FHOD3: variants seen among roughly 807,000 people sequenced by gnomAD.
FHOD3 encodes FH1/FH2 domain-containing protein 3.
A neutral mutation model predicts 173.0 loss-of-function variants in FHOD3; 90 were observed. That is an observed-to-expected ratio of 0.52 (90% CI 0.44 to 0.62). The LOEUF (loss-of-function observed/expected upper bound fraction) is 0.62. Ranked by LOEUF, FHOD3 falls within the 20% of genes least tolerant of loss-of-function variation. FHOD3 has a pLI of 0.00. For missense variants in FHOD3, 1,945 were observed against 2,034.7 expected (o/e 0.96, Z 0.85); for synonymous variants, 828 against 823.0 (o/e 1.01, Z -0.10).
At chr18:36,385,492 G>A (rs1366569160) in intron 3 of FHOD3, among the ~76,000 whole-genome samples, 3 of 152,176 alleles carry the variant, frequency 2.0e-5, no homozygotes, top group African/African-American at 4.8e-5. Flanking sequence ...CACCTCCCAG[G>A]TTCAAGTGAT....
intron 5 of FHOD3, among the ~76,000 whole-genome samples, chr18:36,546,607 G>A (rs1599598325): frequency 6.6e-6 from 1 of 152,148 alleles, no homozygotes; most frequent in East Asian, 1.9e-4. Context: ...GTGTCAGGCT[G>A]GAATGGTAAT....
chr18:36,660,309 C>A (rs185160729), intron 14 of FHOD3, among the ~76,000 whole-genome samples: 3 of 152,144 alleles, frequency 2.0e-5, no homozygotes, highest in Non-Finnish European at 2.9e-5. Context: ...CCCAGAGTGC[C>A]TTGAACATCC....
intron 24 of FHOD3, among the ~76,000 whole-genome samples, chr18:36,753,502 T>C (rs945833329): frequency 7.2e-5 from 11 of 152,278 alleles, no homozygotes; most frequent in African/African-American, 2.7e-4. Context: ...TCAGCTATTG[T>C]GAATAATGCT....
intron 3 of FHOD3, among the ~76,000 whole-genome samples, chr18:36,491,965 C>G (rs2054496371): frequency 6.6e-6 from 1 of 151,988 alleles, no homozygotes; most frequent in African/African-American, 2.4e-5. Flanking sequence ...GAAAGTATGG[C>G]CAAATAAACA....
chr18:36,321,571 T>A (rs1376954763), intron 1 of FHOD3, among the ~76,000 whole-genome samples: 1 of 152,166 alleles, frequency 6.6e-6, no homozygotes, highest in African/African-American at 2.4e-5. Context: ...AGAGTGTTGC[T>A]TTCTCCTGGG....
intron 16 of FHOD3, among the ~76,000 whole-genome samples, chr18:36,691,946 C>T (rs188820351): frequency 2.6e-5 from 4 of 152,294 alleles, no homozygotes; most frequent in Admixed American, 2.6e-4. Context: ...CTAAATATGC[C>T]AGGCAGTAAA....
intron 27 of FHOD3, among the ~76,000 whole-genome samples, chr18:36,763,181 CTA>C (rs975317666): frequency 7.1e-6 from 1 of 140,672 alleles, no homozygotes; most frequent in South Asian, 2.2e-4. Flanking sequence ...ATTATATACG[CTA>C]TATATGTGTA....
chr18:36,635,616 TGACAAA>T (rs2034827103), intron 10 of FHOD3, among the ~76,000 whole-genome samples: 1 of 152,098 alleles, frequency 6.6e-6, no homozygotes, highest in Non-Finnish European at 1.5e-5. Flanking sequence ...GATTGCATGG[TGACAAA>T]GACAAAGGGG....
intron 20 of FHOD3, among the ~76,000 whole-genome samples, chr18:36,737,279 T>C (rs958071488): frequency 6.6e-6 from 1 of 152,240 alleles, no homozygotes; most frequent in African/African-American, 2.4e-5. Context: ...CTTCTGAAGG[T>C]TGTACAAAGT....
intron 19 of FHOD3, among the ~76,000 whole-genome samples, chr18:36,729,878 C>T (rs990057962): frequency 5.9e-5 from 9 of 152,214 alleles, no homozygotes; most frequent in Non-Finnish European, 1.0e-4. Flanking sequence ...CAGGACCTGC[C>T]TCTGAGGACC....
chr18:36,623,244 C>T (rs1390428), intron 9 of FHOD3, among the ~76,000 whole-genome samples: 20,923 of 152,226 alleles, frequency 0.14, 1,551 homozygotes, highest in African/African-American at 0.18. Context: ...AGTAGAACGT[C>T]ACTTGATCCT....
At chr18:36,534,320 A>C (rs2146942951) in intron 5 of FHOD3, among the ~76,000 whole-genome samples, 1 of 152,290 alleles carries the variant, frequency 6.6e-6, no homozygotes, top group South Asian at 2.1e-4. Flanking sequence ...TGAGAAAAGA[A>C]GACAGTGTCT....
chr18:36,760,557 T>G (rs1015337376), intron 26 of FHOD3, 51 bp from the exon 27 acceptor site: 23 of 1,458,218 alleles, frequency 1.6e-5, no homozygotes, highest in Middle Eastern at 1.8e-4. Flanking sequence ...AAGCTTGAGT[T>G]GTCTTTTTGG....
chr18:36,639,814 G>GT (rs35647519), intron 10 of FHOD3, among the ~76,000 whole-genome samples: 4,503 of 145,860 alleles, frequency 0.031, 71 homozygotes, highest in Middle Eastern at 0.044. Context: ...AGAATAAAGT[G>GT]TTTTTTTTTT....
chr18:36,298,465 T>A (rs1220742357), intron 1 of FHOD3, among the ~76,000 whole-genome samples: 2 of 152,092 alleles, frequency 1.3e-5, no homozygotes, highest in Non-Finnish European at 2.9e-5. Flanking sequence ...CTCAGGCCTC[T>A]GGGGCCGCTG....
At chr18:36,358,285 G>T (rs935343153) in intron 2 of FHOD3, among the ~76,000 whole-genome samples, 10 of 152,196 alleles carry the variant, frequency 6.6e-5, no homozygotes, top group African/African-American at 2.4e-4. Context: ...AGGACAATTG[G>T]TCCTGGTCTA....
At chr18:36,486,973 G>T (rs989793744) in intron 3 of FHOD3, among the ~76,000 whole-genome samples, 4 of 152,172 alleles carry the variant, frequency 2.6e-5, no homozygotes, top group African/African-American at 9.7e-5. Context: ...TAGGCTGCAT[G>T]CGTCAGTAGT....
intron 17 of FHOD3, among the ~76,000 whole-genome samples, chr18:36,694,314 A>G (rs2039133960): frequency 6.6e-6 from 1 of 152,340 alleles, no homozygotes; most frequent in East Asian, 1.9e-4. Context: ...GCCGGACTCC[A>G]TGACCTTAGC....
At chr18:36,509,174 T>C (rs1475023952) in intron 4 of FHOD3, among the ~76,000 whole-genome samples, 1 of 152,160 alleles carries the variant, frequency 6.6e-6, no homozygotes, top group East Asian at 1.9e-4. Context: ...AAAAAAACTC[T>C]TTGAATTAAA....
Sources: allele counts gnomAD v4.1 joint callset (sites outside exome capture counted in the v4.1 genomes callset), GRCh38; gene constraint gnomAD v4.1.1; transcripts MANE v1.5; gene names NCBI Gene and HGNC (gene_info 2026-07-23, HGNC 2026-07-21).